DAB1: variants seen among roughly 807,000 people sequenced by gnomAD.
DAB1 encodes the protein DAB adaptor protein 1, also known as disabled homolog 1.
A neutral mutation model predicts 64.6 loss-of-function variants in DAB1; 15 were observed. The ratio of observed to expected loss-of-function variants is 0.23; its 90% confidence interval spans 0.16 to 0.36. The LOEUF is 0.36. DAB1 is among the 10% of genes least tolerant of loss of function. DAB1 has a pLI of 1.00. For synonymous variants in DAB1, 235 were observed against 251.9 expected (o/e 0.93, Z 0.64); for missense variants, 596 against 706.7 (o/e 0.84, Z 1.78).
At chr1:57,267,536 C>G (rs1228987857) in intron 2 of DAB1, among the ~76,000 whole-genome samples, 1 of 152,168 alleles carries the variant, frequency 6.6e-6, no homozygotes, top group Non-Finnish European at 1.5e-5. Context: ...GTATCATAAT[C>G]CCTCCCAAGG....
At chr1:58,468,416 T>C (rs1282826274) in intron 3 of DAB1, 1 of 152,264 alleles carries the variant, frequency 6.6e-6, no homozygotes, top group Non-Finnish European at 1.5e-5. Flanking sequence ...TCGTTCATTT[T>C]GACTGCCCTA....
chr1:57,002,990 C>T (rs1557507253), intron 14 of DAB1, among the ~76,000 whole-genome samples: 1 of 152,334 alleles, frequency 6.6e-6, no homozygotes, highest in East Asian at 1.9e-4. Context: ...GTGGCTTTAT[C>T]CTCCCTTTAT....
chr1:57,509,377 G>A (rs1644382642), intron 7 of DAB1, among the ~76,000 whole-genome samples: 1 of 152,096 alleles, frequency 6.6e-6, no homozygotes, highest in African/African-American at 2.4e-5. Context: ...GTGAAGTTCG[G>A]AGGTAAACGA....
At chr1:57,695,392 GAAAGAAAGAAAGAAAGAAAGAAAGA>G (rs1646828274) in intron 6 of DAB1, among the ~76,000 whole-genome samples, 2 of 79,840 alleles carry the variant, frequency 2.5e-5, no homozygotes, top group African/African-American at 9.2e-5. Flanking sequence ...AAGAAAGAAA[GAAAGAAAGAAAGAAAGAAAGAAAGA>G]AAGAAAGAAA....
chr1:58,350,954 C>T (rs534796367), intron 3 of DAB1, among the ~76,000 whole-genome samples: 1 of 152,170 alleles, frequency 6.6e-6, no homozygotes, highest in South Asian at 2.1e-4. Context: ...TTTTTTGGTT[C>T]CATATGAAAT....
intron 1 of DAB1, among the ~76,000 whole-genome samples, chr1:57,832,515 C>T (rs999211926): frequency 6.6e-5 from 10 of 152,190 alleles, no homozygotes; most frequent in African/African-American, 2.2e-4. Flanking sequence ...CGGTGCTCTC[C>T]ATTGCTGTGA....
At chr1:58,015,468 C>T (rs1646725617) in intron 5 of DAB1, among the ~76,000 whole-genome samples, 2 of 152,148 alleles carry the variant, frequency 1.3e-5, no homozygotes, top group East Asian at 3.9e-4. Context: ...ATTATGCTAC[C>T]TTTGGCCTTA....
chr1:58,228,618 C>T, intron 4 of DAB1: 1 of 709,918 alleles, frequency 1.4e-6, no homozygotes, highest in South Asian at 1.5e-5. Context: ...CCAGATATGC[C>T]CCCTTGTGCG....
At chr1:58,321,437 C>G (rs1034373882) in intron 4 of DAB1, among the ~76,000 whole-genome samples, 4 of 152,190 alleles carry the variant, frequency 2.6e-5, no homozygotes, top group African/African-American at 9.7e-5. Flanking sequence ...CCACGGAGGG[C>G]AAGCCGAAGC....
chr1:57,754,192 T>G (rs954046360), intron 6 of DAB1, among the ~76,000 whole-genome samples: 3 of 152,136 alleles, frequency 2.0e-5, no homozygotes, highest in Non-Finnish European at 4.4e-5. Context: ...TGCCATGATA[T>G]TCCCTCCCCA....
chr1:57,199,717 G>A (rs1020573188), intron 2 of DAB1, among the ~76,000 whole-genome samples: 1 of 152,164 alleles, frequency 6.6e-6, no homozygotes, highest in Non-Finnish European at 1.5e-5. Context: ...TCAGAAGTCC[G>A]AGGCCCAACT....
intron 7 of DAB1, among the ~76,000 whole-genome samples, chr1:57,542,231 C>G (rs1644810718): frequency 6.6e-6 from 1 of 151,964 alleles, no homozygotes; most frequent in Admixed American, 6.6e-5. Context: ...TGAAACCACT[C>G]AGTACACAGC....
At chr1:58,050,181 A>G (rs1392923533) in intron 5 of DAB1, among the ~76,000 whole-genome samples, 1 of 152,226 alleles carries the variant, frequency 6.6e-6, no homozygotes. Context: ...AATACAGTCC[A>G]GAACAGAAAG....
intron 4 of DAB1, among the ~76,000 whole-genome samples, chr1:57,103,068 G>A (rs1654827053): frequency 6.6e-6 from 1 of 152,164 alleles, no homozygotes; most frequent in Admixed American, 6.5e-5. Flanking sequence ...ACAAAATGGG[G>A]CTATTTTTAG....
At chr1:57,573,970 G>A (rs1462736678) in intron 7 of DAB1, among the ~76,000 whole-genome samples, 1 of 152,178 alleles carries the variant, frequency 6.6e-6, no homozygotes, top group Non-Finnish European at 1.5e-5. Flanking sequence ...AACTCATGTG[G>A]CTTGGGCTGT....
At chr1:58,007,816 A>T (rs1646608707) in intron 5 of DAB1, among the ~76,000 whole-genome samples, 1 of 152,216 alleles carries the variant, frequency 6.6e-6, no homozygotes, top group Non-Finnish European at 1.5e-5. Flanking sequence ...GCAAAAAAAT[A>T]CTAATGACAT....
intron 4 of DAB1, among the ~76,000 whole-genome samples, chr1:58,215,245 C>T (rs1570494023): frequency 6.6e-6 from 1 of 152,054 alleles, no homozygotes; most frequent in African/African-American, 2.4e-5. Flanking sequence ...ATTCCATTTA[C>T]CTAAAATTCT....
intron 2 of DAB1, among the ~76,000 whole-genome samples, chr1:57,206,517 C>T (rs766010918): frequency 1.2e-4 from 19 of 152,202 alleles, no homozygotes; most frequent in South Asian, 2.1e-4. Context: ...AATCTCAGGT[C>T]GCATGTGCCT....
chr1:57,038,596 T>G (rs2100463626), intron 9 of DAB1, among the ~76,000 whole-genome samples: 1 of 152,300 alleles, frequency 6.6e-6, no homozygotes, highest in South Asian at 2.1e-4. Context: ...CTTTAGCAGC[T>G]AATAGTCCTC....
Sources: gnomAD v4.1 joint callset for allele counts (sites outside exome capture counted in the v4.1 genomes callset) on GRCh38, gnomAD v4.1.1 for gene constraint, MANE v1.5 for transcripts, NCBI Gene and HGNC (gene_info 2026-07-23, HGNC 2026-07-21) for gene names.